Variants in CDC42BPA observed in about 807,000 individuals in gnomAD.
CDC42BPA encodes CDC42 binding protein kinase alpha, also known as serine/threonine-protein kinase MRCK alpha.
CDC42BPA carries 80 observed loss-of-function variants against 223.5 expected under a neutral mutation model. The ratio of observed to expected loss-of-function variants is 0.36; its 90% CI spans 0.30 to 0.43. The LOEUF (loss-of-function observed/expected upper bound fraction) is 0.43, where lower values mean the gene tolerates loss of function less well. Among genes scored for constraint, CDC42BPA ranks in the 20% least tolerant of loss-of-function variants. CDC42BPA has a pLI of 1.00. For synonymous variants in CDC42BPA, 694 were observed against 718.6 expected (o/e 0.97, Z 0.55); for missense variants, 1,743 against 2,099.9 (o/e 0.83, Z 3.32).
At chr1:227,177,061 T>C (rs1166630987) in intron 5 of CDC42BPA, among the ~76,000 whole-genome samples, 1 of 143,938 alleles carries the variant, frequency 6.9e-6, no homozygotes, top group Non-Finnish European at 1.5e-5. Flanking sequence ...GTCATATACA[T>C]TATGTATTCA....
intron 2 of CDC42BPA, among the ~76,000 whole-genome samples, chr1:227,219,024 A>G (rs1675369300): frequency 6.6e-6 from 1 of 152,196 alleles, no homozygotes; most frequent in South Asian, 2.1e-4. Flanking sequence ...TATAAAATAC[A>G]GTATGCCCAC....
chr1:227,189,908 T>G (rs1036191533), intron 5 of CDC42BPA, among the ~76,000 whole-genome samples: 4 of 152,298 alleles, frequency 2.6e-5, no homozygotes, highest in African/African-American at 9.6e-5. Flanking sequence ...ATTTGGAAAT[T>G]TGATAAATTT....
At chr1:227,079,397 A>C (rs1680174273) in intron 17 of CDC42BPA, among the ~76,000 whole-genome samples, 1 of 151,950 alleles carries the variant, frequency 6.6e-6, no homozygotes, top group African/African-American at 2.4e-5. Flanking sequence ...TTCCAGCTGA[A>C]CTCATCATGC....
intron 16 of CDC42BPA, among the ~76,000 whole-genome samples, chr1:227,081,412 C>T (rs1680616536): frequency 6.6e-6 from 1 of 151,628 alleles, no homozygotes; most frequent in African/African-American, 2.4e-5. Flanking sequence ...ACAATGATTA[C>T]TTCAACATCA....
At chr1:227,159,480 T>TA (rs200798921) in intron 6 of CDC42BPA, among the ~76,000 whole-genome samples, 17 of 148,328 alleles carry the variant, frequency 1.1e-4, no homozygotes, top group South Asian at 8.5e-4. Context: ...AGACTTTGTC[T>TA]AAAAAAAAAA....
At chr1:227,185,958 A>T (rs984508002) in intron 5 of CDC42BPA, among the ~76,000 whole-genome samples, 3 of 152,070 alleles carry the variant, frequency 2.0e-5, no homozygotes, top group Non-Finnish European at 2.9e-5. Flanking sequence ...AAAATCAACA[A>T]CTCTTCTTAG....
chr1:227,090,668 G>A (rs781781433), intron 16 of CDC42BPA, among the ~76,000 whole-genome samples: 2 of 152,034 alleles, frequency 1.3e-5, no homozygotes, highest in Non-Finnish European at 2.9e-5. Context: ...AACATTAGCT[G>A]GGTGTGGTGG....
intron 27 of CDC42BPA, among the ~76,000 whole-genome samples, chr1:227,031,975 C>G (rs1208075890): frequency 6.6e-6 from 1 of 152,118 alleles, no homozygotes; most frequent in Non-Finnish European, 1.5e-5. Flanking sequence ...AATCATTTCT[C>G]CAAGGACATA....
rs1656476266 is a variant in CDC42BPA, at chr1:227,129,220, T to C, written c.1402A>G (p.Thr468Ala). 6.3e-7 allele frequency: 1 copy of C among 1,584,420 alleles called. No homozygotes were observed. The highest frequency in any genetic ancestry group is 2.2e-5 in the East Asian group (1 of 44,454). The stretch of plus-strand genomic sequence containing the variant: ...GTTGAATACTGCAGAGCTTGGACAG[T>C]CTGTGTTGACTCTTTAAAAAAAAGG... ...LSRKLQESTQ[T>A]VQALQYSTVD... The change falls in exon 11 of 37, where the codon ACT becomes GCT. Residue 468 changes from threonine (T) to alanine (A), a missense_variant. Coordinates refer to ENST00000366766, the MANE Select transcript of CDC42BPA (RefSeq NM_001394014.1).
rs117587473 is a variant in CDC42BPA at position 227,280,233 on chromosome 1, T to C, written c.179-26078A>G. 1.2e-3 allele frequency among the ~76,000 whole-genome samples: 186 copies of C among 152,356 alleles called. 5 individuals carry two copies. The East Asian group carries it at 0.027, about 22-fold the overall frequency. On this transcript the variant is annotated intron_variant, in intron 1 of 36. Coordinates refer to ENST00000366766, the MANE Select transcript of CDC42BPA (RefSeq NM_001394014.1). ...TCAGAGTTCTCTGAAAGAAGACGGATAAGAATTTTGCCACTGGTTTGTAAG... is the reference window on the plus strand; with the variant it reads ...TCAGAGTTCTCTGAAAGAAGACGGACAAGAATTTTGCCACTGGTTTGTAAG...
At position 227,016,325 on chromosome 1, in the gene CDC42BPA, A is replaced by G. The variant is rs1666242294; in HGVS notation, c.4740-128T>C. 9.1e-6 allele frequency: 6 copies of G among 660,026 alleles called. No individual in the cohort carries two copies. In the South Asian group the frequency reaches 1.0e-4, roughly 11 times the overall value. The allele number at this position is 660,026 out of a possible 1,614,324, so 40.9% of individuals were successfully genotyped here. On this transcript the variant is annotated intron_variant, in intron 33 of 36. Coordinates refer to ENST00000366766, the MANE Select transcript of CDC42BPA (RefSeq NM_001394014.1). ...ATCACATTAATAAGAATATAGAGTA[A>G]CAGAATATACTCAATTAAAAATGTA...
chr1:227,081,134 ATAATAATCCC>A, intron 16 of CDC42BPA, 117 bp from the exon 17 acceptor site: 1 of 954,982 alleles, frequency 1.0e-6, no homozygotes, highest in South Asian at 1.6e-5. Flanking sequence ...CTGTCTTATT[ATAATAATCCC>A]TTTTGCTCAC....
chr1:227,246,488 T>A (rs1680985620), intron 2 of CDC42BPA, among the ~76,000 whole-genome samples: 1 of 152,086 alleles, frequency 6.6e-6, no homozygotes, highest in Admixed American at 6.5e-5. Flanking sequence ...GGTGCTTGTA[T>A]CACCAAATCC....
chr1:227,210,209 T>C (rs1228406228), intron 3 of CDC42BPA, among the ~76,000 whole-genome samples: 2 of 152,220 alleles, frequency 1.3e-5, no homozygotes, highest in Non-Finnish European at 2.9e-5. Context: ...TATAGCAGCA[T>C]GATTTATAAT....
intron 26 of CDC42BPA, among the ~76,000 whole-genome samples, chr1:227,034,391 C>T (rs2148694319): frequency 6.6e-6 from 1 of 152,246 alleles, no homozygotes; most frequent in South Asian, 2.1e-4. Context: ...GGTAGGCCTC[C>T]ATTACCCCAT....
chr1:227,300,369 T>A (rs922671641), intron 1 of CDC42BPA, among the ~76,000 whole-genome samples: 3 of 152,194 alleles, frequency 2.0e-5, no homozygotes, highest in Non-Finnish European at 4.4e-5. Context: ...TGCACACATA[T>A]GTTTATTGCA....
intron 5 of CDC42BPA, chr1:227,180,570 A>C (rs1268090772): frequency 6.6e-6 from 1 of 152,218 alleles, no homozygotes; most frequent in African/African-American, 2.4e-5. Context: ...ACTATACCAC[A>C]AACAGAATCA....
chr1:227,193,611 C>A (rs1431307572), intron 5 of CDC42BPA, 175 bp downstream of exon 5: 3 of 553,828 alleles, frequency 5.4e-6, no homozygotes, highest in South Asian at 2.9e-5. Context: ...TTCTGTAATG[C>A]TGACAAATAA....
intron 2 of CDC42BPA, among the ~76,000 whole-genome samples, chr1:227,243,235 T>C (rs1325142189): frequency 6.6e-6 from 1 of 152,164 alleles, no homozygotes; most frequent in African/African-American, 2.4e-5. Context: ...CTGAGCTTAA[T>C]AGGGCGATGA....
Sources: allele counts gnomAD v4.1 joint callset (sites outside exome capture counted in the v4.1 genomes callset), GRCh38; gene constraint gnomAD v4.1.1; transcripts MANE v1.5; gene names NCBI Gene and HGNC (gene_info 2026-07-23, HGNC 2026-07-21).